KLHL14: variants seen among roughly 807,000 people sequenced by gnomAD.
KLHL14 encodes the protein kelch-like protein 14.
Under a neutral mutation model 64.3 loss-of-function variants are expected in KLHL14, and 22 were observed. The observed-to-expected ratio is 0.34, with a 90% CI of 0.24 to 0.49. The LOEUF is 0.49. Among genes scored for constraint, KLHL14 ranks in the 20% least tolerant of loss-of-function variants. The probability of loss-of-function intolerance (pLI) is 0.99; values close to 1 mark genes in which losing one functional copy is unlikely to be tolerated. For synonymous variants in KLHL14, 322 were observed against 333.4 expected (o/e 0.97, Z 0.37); for missense variants, 661 against 789.0 (o/e 0.84, Z 1.94).
chr18:32,693,809 G>C (rs2049923786), intron 4 of KLHL14, among the ~76,000 whole-genome samples: 1 of 152,116 alleles, frequency 6.6e-6, no homozygotes, highest in Admixed American at 6.5e-5. Flanking sequence ...TAATCCAACA[G>C]CATGATTTTA....
At chr18:32,742,849 CA>C (rs1248224333) in intron 2 of KLHL14, 2 of 152,314 alleles carry the variant, frequency 1.3e-5, no homozygotes, top group Admixed American at 1.3e-4. Context: ...CCTTCTCCCC[CA>C]GGGGGCAACC....
At position 32,687,219 on chromosome 18, in the gene KLHL14, T is replaced by C; in HGVS notation, c.1174A>G (p.Asn392Asp). The C allele has an allele frequency of 6.2e-7, 1 of 1,613,668 alleles. No homozygotes were observed. Among genetic ancestry groups the C allele is most frequent in the Non-Finnish European group, 8.5e-7 (1 of 1,179,588 alleles). The change falls in exon 5 of 9, where the codon AAT (asparagine) becomes GAT (aspartate). Residue 392 changes from asparagine (N) to aspartate (D), a missense_variant. Coordinates refer to ENST00000359358, the MANE Select transcript of KLHL14 (RefSeq NM_020805.3). ...QWNPNGKHST[N>D]FVSRYDPRFN... ...CGAGGATCATATCGGCTGACAAAAT[T>C]TGTACTGTGTTTTCCTGTAAAAATG...
At chr18:32,724,604 T>A (rs1271179398) in intron 3 of KLHL14, among the ~76,000 whole-genome samples, 7 of 152,194 alleles carry the variant, frequency 4.6e-5, no homozygotes, top group African/African-American at 1.2e-4. Flanking sequence ...GCTATTGACC[T>A]CACATTGTTA....
intron 3 of KLHL14, among the ~76,000 whole-genome samples, chr18:32,719,713 T>C (rs2050066601): frequency 6.6e-6 from 1 of 152,216 alleles, no homozygotes; most frequent in South Asian, 2.1e-4. Flanking sequence ...TTGCTTTCAG[T>C]GTAGGCAGGC....
intron 2 of KLHL14, among the ~76,000 whole-genome samples, chr18:32,766,006 A>G (rs532704508): frequency 2.6e-5 from 4 of 152,200 alleles, no homozygotes; most frequent in African/African-American, 9.6e-5. Flanking sequence ...ACTTTCATGA[A>G]TGTATTTCTA....
In KLHL14 at chr18:32,680,342, T is replaced by G; in HGVS notation, c.1430-15A>C. The G allele has an allele frequency of 6.2e-7, 1 of 1,613,600 alleles. No individual in the cohort carries two copies. Reference sequence around the variant, plus strand: ...GTGTACACCCCCTGTGAAATAAACATAGACATACAAGTCAAGAGAGTGCTT... The same window carrying G: ...GTGTACACCCCCTGTGAAATAAACAGAGACATACAAGTCAAGAGAGTGCTT... On this transcript the variant is annotated splice_polypyrimidine_tract_variant and intron_variant, in intron 6 of 8. Coordinates refer to ENST00000359358, the MANE Select transcript of KLHL14 (RefSeq NM_020805.3). This position sits in a 1 kb window ranked among gnomAD's most constrained non-coding sequence, Gnocchi z 4.8.
chr18:32,770,873 C>T lies in KLHL14; in HGVS notation c.-43-239G>A, dbSNP rs2050380425. ...TGGGGTCCCGGCGCCGGTTCTGCGC[C>T]CTGCGGCTCCTCTCGCCACCTCCCA... On this transcript the variant is annotated intron_variant, in intron 1 of 8. Coordinates refer to ENST00000359358, the MANE Select transcript of KLHL14 (RefSeq NM_020805.3). The surrounding 1 kb of genome is among the most constrained non-coding windows in gnomAD (Gnocchi z 6.7). The T allele has an allele frequency of 6.3e-6, 3 of 473,794 alleles. No individual in the cohort carries two copies. The South Asian group carries it at 8.6e-5, about 14-fold the overall frequency. 29.3% of individuals were successfully genotyped at this position (473,794 alleles called of 1,614,324 possible).
intron 4 of KLHL14, among the ~76,000 whole-genome samples, chr18:32,692,190 T>C (rs75807397): frequency 0.011 from 1,742 of 152,314 alleles, 32 homozygotes; most frequent in African/African-American, 0.04. Flanking sequence ...GTAACTAATA[T>C]ATTTGCTGAC....
intron 2 of KLHL14, among the ~76,000 whole-genome samples, chr18:32,746,742 T>G (rs1199577508): frequency 6.6e-6 from 1 of 152,264 alleles, no homozygotes; most frequent in Non-Finnish European, 1.5e-5. Flanking sequence ...AAAGAAGATA[T>G]TCTGCAATGT....
chr18:32,715,153 G>C (rs552469630), intron 3 of KLHL14, among the ~76,000 whole-genome samples: 1 of 152,166 alleles, frequency 6.6e-6, no homozygotes, highest in Admixed American at 6.5e-5. Context: ...AAATAGGTCA[G>C]ATTTTTCAAT....
At chr18:32,743,648 A>T (rs1338281048) in intron 2 of KLHL14, 1 of 152,230 alleles carries the variant, frequency 6.6e-6, no homozygotes, top group African/African-American at 2.4e-5. Context: ...AATTTGAAGT[A>T]CCTTCAAACA....
intron 3 of KLHL14, among the ~76,000 whole-genome samples, chr18:32,733,344 G>GGT (rs1283541271): frequency 1.3e-5 from 2 of 151,090 alleles, no homozygotes; most frequent in African/African-American, 2.4e-5. Flanking sequence ...AGATGGTGGT[G>GGT]GTGTGTGTGT....
At chr18:32,735,985 A>G (rs188560722) in intron 3 of KLHL14, among the ~76,000 whole-genome samples, 226 of 152,330 alleles carry the variant, frequency 1.5e-3, no homozygotes, top group African/African-American at 5.1e-3. Context: ...AATGACACAC[A>G]GCAAATTTAA....
At chr18:32,686,090 C>G (rs1171884321) in intron 5 of KLHL14, among the ~76,000 whole-genome samples, 1 of 150,158 alleles carries the variant, frequency 6.7e-6, no homozygotes, top group East Asian at 1.9e-4. Context: ...AGGCTCACTG[C>G]AACCTCTGCC....
At chr18:32,686,802 C>T (rs2144475210) in intron 5 of KLHL14, among the ~76,000 whole-genome samples, 1 of 152,052 alleles carries the variant, frequency 6.6e-6, no homozygotes, top group South Asian at 2.1e-4. Flanking sequence ...AAATGCACAT[C>T]ATTGCAAGTA....
At chr18:32,735,817 T>G (rs2050163215) in intron 3 of KLHL14, among the ~76,000 whole-genome samples, 1 of 152,220 alleles carries the variant, frequency 6.6e-6, no homozygotes, top group Non-Finnish European at 1.5e-5. Flanking sequence ...TGGTATCCTC[T>G]GTGCTTAGCA....
chr18:32,680,882 T>C lies in KLHL14; in HGVS notation c.1239-283A>G, dbSNP rs2049835374. On this transcript the variant is annotated intron_variant, in intron 5 of 8. Coordinates refer to ENST00000359358, the MANE Select transcript of KLHL14 (RefSeq NM_020805.3). This position sits in a 1 kb window ranked among gnomAD's most constrained non-coding sequence, Gnocchi z 4.8. ...CCTTGTTATCTTGTTTTATACACTG[T>C]TAAGTGTTCATTAATATTTGGGATA... Among the ~76,000 whole-genome samples, 2 of 152,178 alleles carry C rather than the reference T, an allele frequency of 1.3e-5. No individual in the cohort carries two copies. Among genetic ancestry groups the C allele is most frequent in the Non-Finnish European group, 1.5e-5 (1 of 68,028 alleles).
At chr18:32,717,090 G>A (rs1177622988) in intron 3 of KLHL14, among the ~76,000 whole-genome samples, 1 of 152,052 alleles carries the variant, frequency 6.6e-6, no homozygotes, top group East Asian at 1.9e-4. Flanking sequence ...TGGTCAACCT[G>A]GTTGTACCAT....
intron 3 of KLHL14, among the ~76,000 whole-genome samples, chr18:32,697,208 A>G (rs1158829434): frequency 6.6e-6 from 1 of 152,236 alleles, no homozygotes; most frequent in Non-Finnish European, 1.5e-5. Context: ...GTGGCAGAGT[A>G]CACGTGAGGC....
Sources: allele counts gnomAD v4.1 joint callset (sites outside exome capture counted in the v4.1 genomes callset), GRCh38; gene constraint gnomAD v4.1.1; non-coding constraint Gnocchi (gnomAD v3.1); transcripts MANE v1.5; gene names NCBI Gene and HGNC (gene_info 2026-07-23, HGNC 2026-07-21).